Variants in CAMSAP2 observed in about 807,000 individuals in gnomAD.
The protein encoded by CAMSAP2 is calmodulin regulated spectrin associated protein family member 2.
Under a neutral mutation model 146.1 loss-of-function variants are expected in CAMSAP2, and 26 were observed. That is an observed-to-expected ratio of 0.18 (90% CI 0.13 to 0.25). The LOEUF is 0.25. CAMSAP2 is among the 10% of genes least tolerant of loss of function. The pLI is 1.00. For synonymous variants in CAMSAP2, 499 were observed against 596.6 expected (o/e 0.84, Z 2.38); for missense variants, 1,381 against 1,759.3 (o/e 0.78, Z 3.85).
At chr1:200,823,937 C>T (rs1385461655) in intron 4 of CAMSAP2, among the ~76,000 whole-genome samples, 3 of 152,106 alleles carry the variant, frequency 2.0e-5, no homozygotes, top group Admixed American at 6.5e-5. Flanking sequence ...ATATTTTATG[C>T]TTTGAGTTAC....
intron 2 of CAMSAP2, among the ~76,000 whole-genome samples, chr1:200,783,284 A>G (rs951470917): frequency 2.6e-5 from 4 of 152,110 alleles, no homozygotes; most frequent in African/African-American, 9.7e-5. Flanking sequence ...TTCCCTGAGG[A>G]CTAATAGAAT....
intron 2 of CAMSAP2, among the ~76,000 whole-genome samples, chr1:200,774,985 T>C (rs1665231698): frequency 6.6e-6 from 1 of 152,234 alleles, no homozygotes; most frequent in Admixed American, 6.5e-5. Flanking sequence ...ATGGAGCTAC[T>C]ATTTTAGTAG....
At chr1:200,802,560 T>C (rs1036283298) in intron 2 of CAMSAP2, among the ~76,000 whole-genome samples, 1 of 152,174 alleles carries the variant, frequency 6.6e-6, no homozygotes, top group Non-Finnish European at 1.5e-5. Flanking sequence ...GAATAACTAG[T>C]ACCTCATGTT....
chr1:200,802,529 G>A (rs941986064), intron 2 of CAMSAP2, among the ~76,000 whole-genome samples: 1 of 152,198 alleles, frequency 6.6e-6, no homozygotes, highest in Non-Finnish European at 1.5e-5. Context: ...ATATGAATAT[G>A]CAGTATGTAC....
rs760763605 is a variant in CAMSAP2, at chr1:200,849,291, T to C, written c.2522T>C (p.Met841Thr). ...TCACTGGCAGATATAAAAGAGAGCA[T>C]GGAGAATCCTCAAGCCAAATGGCTA... ...SKSLADIKESMENPQAKWLKS... is the reference protein window; with the variant it reads ...SKSLADIKESTENPQAKWLKS... Residue 841 changes from methionine (M) to threonine (T), a missense_variant, in exon 11 of 17, where the codon ATG becomes ACG. Coordinates refer to ENST00000358823, the MANE Select transcript of CAMSAP2 (RefSeq NM_203459.4). This position sits in a 1 kb window ranked among gnomAD's most constrained non-coding sequence, Gnocchi z 6.3. 3.7e-6 allele frequency: 6 copies of C among 1,613,978 alleles called. No individual in the cohort carries two copies. Among genetic ancestry groups the C allele is most frequent in the Non-Finnish European group, 5.1e-6 (6 of 1,180,014 alleles).
chr1:200,765,854 A>G (rs1341209261), intron 2 of CAMSAP2, among the ~76,000 whole-genome samples: 1 of 152,202 alleles, frequency 6.6e-6, no homozygotes, highest in Non-Finnish European at 1.5e-5. Context: ...ATAAATTAAA[A>G]TATTGACTGC....
At chr1:200,812,167 CTA>C (rs902121040) in intron 3 of CAMSAP2, among the ~76,000 whole-genome samples, 32 of 152,278 alleles carry the variant, frequency 2.1e-4, no homozygotes, top group African/African-American at 7.2e-4. Context: ...CTAGAATAGT[CTA>C]TGTGAGGATA....
At chr1:200,852,430 T>C in intron 11 of CAMSAP2, 111 bp from the exon 12 acceptor site, 2 of 1,160,888 alleles carry the variant, frequency 1.7e-6, no homozygotes, top group Admixed American at 2.4e-5. Context: ...AGGGTTGTAA[T>C]AGTTCAAACT....
At chr1:200,807,929 C>A (rs964595579) in intron 3 of CAMSAP2, among the ~76,000 whole-genome samples, 2 of 151,730 alleles carry the variant, frequency 1.3e-5, no homozygotes, top group African/African-American at 4.8e-5. Context: ...TTAGTGGAGA[C>A]GAGTTTTCGC....
chr1:200,750,335 C>T (rs191250791), intron 1 of CAMSAP2, among the ~76,000 whole-genome samples: 5 of 151,988 alleles, frequency 3.3e-5, no homozygotes, highest in Admixed American at 3.3e-4. Context: ...TTGTTCGGCT[C>T]GATGGATTGT....
At chr1:200,813,626 T>C (rs1165536797) in intron 3 of CAMSAP2, among the ~76,000 whole-genome samples, 2 of 152,220 alleles carry the variant, frequency 1.3e-5, no homozygotes, top group Non-Finnish European at 2.9e-5. Context: ...CATGAGTGAA[T>C]GGTGGTTTAA....
At chr1:200,754,570 GCTC>G (rs1342211653) in intron 1 of CAMSAP2, among the ~76,000 whole-genome samples, 2 of 142,876 alleles carry the variant, frequency 1.4e-5, no homozygotes, top group African/African-American at 5.2e-5. Flanking sequence ...ACAAGAAAGA[GCTC>G]CTTTTTTTTT....
At position 200,858,128 on chromosome 1, in the gene CAMSAP2, A is replaced by G; in HGVS notation, c.*69A>G. On this transcript the variant is annotated 3_prime_UTR_variant, in exon 17 of 17. Transcript: ENST00000358823. Reference sequence around the variant, plus strand: ...ACTTCATCTTTCCTGCCTATAGAAAATCTTTCTAATTGCCAACAAGACTTT... The same window carrying G: ...ACTTCATCTTTCCTGCCTATAGAAAGTCTTTCTAATTGCCAACAAGACTTT... The G allele has an allele frequency of 6.0e-6, 8 of 1,332,816 alleles. No homozygotes were observed. Among genetic ancestry groups the G allele is most frequent in the Non-Finnish European group, 8.2e-6 (8 of 977,030 alleles). 82.6% of individuals were successfully genotyped at this position (1,332,816 alleles called of 1,614,324 possible).
chr1:200,806,767 A>ATCTATCTC (rs1558185507), intron 2 of CAMSAP2, among the ~76,000 whole-genome samples: 1 of 27,616 alleles, frequency 3.6e-5, no homozygotes, highest in African/African-American at 9.4e-5. Flanking sequence ...GTGTGTGTGT[A>ATCTATCTC]TCTATCTATC....
chr1:200,844,137 C>G (rs1246894132), intron 7 of CAMSAP2, among the ~76,000 whole-genome samples: 1 of 152,078 alleles, frequency 6.6e-6, no homozygotes, highest in Non-Finnish European at 1.5e-5. Context: ...TCCCAGAGTA[C>G]TGGGATTACA....
rs1421175584 is a variant in CAMSAP2, at chr1:200,739,165, A to T, written c.-663A>T. On this transcript the variant is annotated 5_prime_UTR_variant, in exon 1 of 17. Transcript: ENST00000358823. The surrounding 1 kb of genome is among the most constrained non-coding windows in gnomAD (Gnocchi z 4.8). ...ACGGCGACGGGAGGGAGCACAGAGGAGGGGACGGGCCGGCGGCGGCCTGTG... is the reference window on the plus strand; with the variant it reads ...ACGGCGACGGGAGGGAGCACAGAGGTGGGGACGGGCCGGCGGCGGCCTGTG... Among the ~76,000 whole-genome samples the T allele has an allele frequency of 3.3e-5, 5 of 151,312 alleles. No homozygotes were observed. Among genetic ancestry groups the T allele is most frequent in the Admixed American group, 2.0e-4 (3 of 15,246 alleles).
At chr1:200,827,554 A>G (rs1016839076) in intron 4 of CAMSAP2, among the ~76,000 whole-genome samples, 3 of 152,146 alleles carry the variant, frequency 2.0e-5, no homozygotes, top group Non-Finnish European at 2.9e-5. Context: ...TATTGAGGCT[A>G]TTCTTCCTGG....
chr1:200,849,955 C>G lies in CAMSAP2; in HGVS notation c.3186C>G (p.Ile1062Met), dbSNP rs529413674. 3.1e-6 allele frequency: 5 copies of G among 1,614,106 alleles called. No homozygotes were observed. In the East Asian group the frequency reaches 8.9e-5, roughly 29 times the overall value. ...GACATAATCCAGAAGAAAAGGAAATCAAACCTTTTGAGTCAACAGTCTCTG... is the reference window on the plus strand; with the variant it reads ...GACATAATCCAGAAGAAAAGGAAATGAAACCTTTTGAGTCAACAGTCTCTG... ...QRGHNPEEKE[I>M]KPFESTVSEV... The change falls in exon 11 of 17, where the codon ATC becomes ATG. Residue 1062 changes from isoleucine to methionine, a missense_variant. Ile to Met is a conservative substitution (Grantham distance 10). This residue lies in a region of CAMSAP2 where 560 missense variants were observed against 715.9 expected (regional missense o/e 0.78). Coordinates refer to ENST00000358823, the MANE Select transcript of CAMSAP2 (RefSeq NM_203459.4). The surrounding 1 kb of genome is among the most constrained non-coding windows in gnomAD (Gnocchi z 6.3).
At chr1:200,748,758 ATT>A (rs535780256) in intron 1 of CAMSAP2, among the ~76,000 whole-genome samples, 13 of 128,578 alleles carry the variant, frequency 1.0e-4, no homozygotes, top group Admixed American at 1.5e-4. Flanking sequence ...TTCAGGTTTG[ATT>A]TTTTTTTTTT....
Sources: allele counts gnomAD v4.1 joint callset (sites outside exome capture counted in the v4.1 genomes callset), GRCh38; gene constraint gnomAD v4.1.1; regional missense constraint gnomAD v4.1.1; non-coding constraint Gnocchi (gnomAD v3.1); transcripts MANE v1.5; gene names NCBI Gene and HGNC (gene_info 2026-07-23, HGNC 2026-07-21).